TRPA1: variants seen among roughly 807,000 people sequenced by gnomAD.
TRPA1 encodes the protein ankyrin-like with transmembrane domains 1.
TRPA1 carries 129 observed loss-of-function variants against 131.3 expected under a neutral mutation model. The observed-to-expected ratio is 0.98, with a 90% CI of 0.85 to 1.14. TRPA1 has a LOEUF of 1.14. TRPA1 is among the 50% of genes most tolerant of loss of function. The pLI, the probability that TRPA1 is intolerant of heterozygous loss-of-function variation, is 0.00. For missense variants in TRPA1, 1,304 were observed against 1,354.2 expected, an observed-to-expected ratio of 0.96 and a Z score of 0.58; for synonymous variants, 441 against 451.7, an observed-to-expected ratio of 0.98 and a Z score of 0.30.
the TRPA1 span, among the ~76,000 whole-genome samples, chr8:72,081,396 T>C: frequency 0.34 from 51,336 of 151,620 alleles, 9,248 homozygotes; most frequent in Non-Finnish European, 0.39. Flanking sequence ...AAATGTAGAA[T>C]TGTTGAAACA....
intron 17 of TRPA1, among the ~76,000 whole-genome samples, chr8:72,043,152 C>A (rs1812312495): frequency 2.0e-5 from 3 of 151,834 alleles, no homozygotes; most frequent in Non-Finnish European, 4.4e-5. Flanking sequence ...CTCACCACAC[C>A]TAAGCCTCAG....
Position 72,052,614 on chromosome 8 carries a change from A to C in TRPA1, c.1796T>G (p.Ile599Ser). The change falls in exon 14 of 27, where the codon ATC (isoleucine) becomes AGC (serine). Residue 599 changes from isoleucine to serine, a missense_variant. By Grantham distance (142) the Ile-to-Ser change is moderately radical. Transcript: ENST00000262209. The part of the protein sequence containing the change: ...HNKRKEVVLT[I>S]IRSKRWDECL... ...GACAGTGTACCTTTTGCTCCTGATG[A>C]TCGTAAGAACAACCTCCTTCCTCTT... is the stretch of plus-strand genomic sequence containing the variant. 6.2e-7 allele frequency: 1 copy of C among 1,613,616 alleles called. No individual in the cohort carries two copies. The highest frequency in any genetic ancestry group is 8.5e-7 in the Non-Finnish European group (1 of 1,179,710).
rs1274615771 is a variant in TRPA1, at chr8:72,065,448, A to C, written c.552+3T>G. On this transcript the variant is annotated splice_donor_region_variant and intron_variant, in intron 4 of 26. Transcript: ENST00000262209. ...AGCAGACAGATATGACAAATATACA[A>C]ACCAAAATCTGCAATGCTTCGCTAT... 1.2e-6 allele frequency: 2 copies of C among 1,611,304 alleles called. No homozygotes were observed. Among genetic ancestry groups the C allele is most frequent in the Non-Finnish European group, 1.7e-6 (2 of 1,177,858 alleles).
chr8:72,083,527 G>A, the TRPA1 span, among the ~76,000 whole-genome samples: 12 of 151,436 alleles, frequency 7.9e-5, no homozygotes, highest in South Asian at 2.3e-3. Flanking sequence ...GAGGTCAAGG[G>A]ATCGAGACCA....
intron 13 of TRPA1, chr8:72,053,029 GAGAGAGAGAGAGAGAA>G (rs1433825203): frequency 1.1e-5 from 4 of 376,160 alleles, no homozygotes; most frequent in African/African-American, 8.5e-5. Context: ...GAGAGAGAGA[GAGAGAGAGAGAGAGAA>G]TGAATTCCAA....
chr8:72,074,665 T>G (rs1217809945), intron 1 of TRPA1, among the ~76,000 whole-genome samples: 1 of 152,168 alleles, frequency 6.6e-6, no homozygotes, highest in African/African-American at 2.4e-5. Flanking sequence ...TTAGGTCCGA[T>G]AACTGCATAA....
At chr8:72,089,771 T>C in the TRPA1 span, among the ~76,000 whole-genome samples, 1 of 152,102 alleles carries the variant, frequency 6.6e-6, no homozygotes, top group Non-Finnish European at 1.5e-5. Context: ...TAACATTAAG[T>C]ATAAAATGAG....
rs540913505 is a variant in TRPA1, at chr8:72,032,112, G to A, written c.2868+1532C>T. Among the ~76,000 whole-genome samples, 11 of 152,324 alleles carry A rather than the reference G, an allele frequency of 7.2e-5. No individual in the cohort carries two copies. In the East Asian group the frequency reaches 2.1e-3, roughly 29 times the overall value. On this transcript the variant is annotated intron_variant, in intron 23 of 26. Coordinates refer to ENST00000262209, the MANE Select transcript of TRPA1 (RefSeq NM_007332.3). Reference sequence around the variant, plus strand: ...GTGTGCATTTCTGGGTAAATCCTGGGAACAGTGAGGCGTTGGGAAAGATCT... The same window carrying A: ...GTGTGCATTTCTGGGTAAATCCTGGAAACAGTGAGGCGTTGGGAAAGATCT...
the TRPA1 span, among the ~76,000 whole-genome samples, chr8:72,083,545 T>A: frequency 1.4e-5 from 2 of 148,104 alleles, no homozygotes; most frequent in Non-Finnish European, 3.0e-5. Context: ...CCATCCTGGC[T>A]AACATAGTGA....
intron 18 of TRPA1, 21 bp from the exon 19 acceptor site, chr8:72,039,048 CA>C: frequency 1.2e-6 from 2 of 1,610,774 alleles, no homozygotes; most frequent in Non-Finnish European, 1.7e-6. Flanking sequence ...ATAAGCAAAC[CA>C]GAATTGAGTC....
chr8:72,050,495 A>G (rs556264025), intron 15 of TRPA1, among the ~76,000 whole-genome samples: 1 of 152,302 alleles, frequency 6.6e-6, no homozygotes, highest in Admixed American at 6.5e-5. Flanking sequence ...AAACATATAC[A>G]AAAGCTTTAC....
intron 23 of TRPA1, 141 bp from the exon 24 acceptor site, chr8:72,030,110 T>C (rs1811754399): frequency 2.4e-6 from 2 of 835,454 alleles, no homozygotes; most frequent in Non-Finnish European, 4.1e-6. Flanking sequence ...GTTAATTGCT[T>C]ATGGTTCTGC....
At chr8:72,036,511 A>G in intron 20 of TRPA1, 54 bp from the exon 21 acceptor site, 2 of 1,491,230 alleles carry the variant, frequency 1.3e-6, no homozygotes, top group Admixed American at 3.4e-5. Context: ...GCATCTATGG[A>G]TGGTTATATA....
chr8:72,079,250 A>G (rs1183831775), upstream of TRPA1, among the ~76,000 whole-genome samples: 1 of 151,928 alleles, frequency 6.6e-6, no homozygotes, highest in Non-Finnish European at 1.5e-5. Context: ...ATAAAAGTCT[A>G]ATTTGTTAAT....
chr8:72,049,628 G>A (rs1262547971), intron 15 of TRPA1, among the ~76,000 whole-genome samples: 1 of 152,078 alleles, frequency 6.6e-6, no homozygotes, highest in African/African-American at 2.4e-5. Flanking sequence ...GTGCATGTTT[G>A]TCTTGTCTGG....
At chr8:72,054,033 G>C in intron 12 of TRPA1, 166 bp from the exon 13 acceptor site, 1 of 627,682 alleles carries the variant, frequency 1.6e-6, no homozygotes, top group Non-Finnish European at 2.8e-6. Flanking sequence ...CTAATTCCAA[G>C]CTCAATGATC....
intron 13 of TRPA1, 111 bp downstream of exon 13, chr8:72,053,642 G>A (rs574476554): frequency 5.0e-6 from 4 of 796,554 alleles, no homozygotes; most frequent in Admixed American, 4.0e-5. Context: ...CCCAACAAAA[G>A]GCTGGGAATA....
At chr8:72,086,678 G>C in the TRPA1 span, among the ~76,000 whole-genome samples, 1 of 151,940 alleles carries the variant, frequency 6.6e-6, no homozygotes, top group African/African-American at 2.4e-5. Flanking sequence ...AACTCTTTTA[G>C]AATTTTTATA....
chr8:72,043,489 C>T (rs1812325304), intron 17 of TRPA1, among the ~76,000 whole-genome samples: 1 of 151,680 alleles, frequency 6.6e-6, no homozygotes, highest in Non-Finnish European at 1.5e-5. Context: ...TATTGTTTCA[C>T]ATTTTATAAT....
Sources: allele counts gnomAD v4.1 joint callset (sites outside exome capture counted in the v4.1 genomes callset), GRCh38; gene constraint gnomAD v4.1.1; transcripts MANE v1.5; gene names NCBI Gene and HGNC (gene_info 2026-07-23, HGNC 2026-07-21).